Variants in E2F5 observed in about 807,000 individuals in gnomAD.
The protein encoded by E2F5 is E2F transcription factor 5, also known as transcription factor E2F5.
E2F5 carries 23 observed loss-of-function variants against 39.1 expected under a neutral mutation model. The observed-to-expected ratio is 0.59, with a 90% CI of 0.42 to 0.83. The LOEUF is 0.83. Among genes scored for constraint, E2F5 ranks in the 40% least tolerant of loss-of-function variants. The pLI is 0.00. For missense variants in E2F5, 365 were observed against 406.7 expected (o/e 0.90, Z 0.88); for synonymous variants, 145 against 157.8 (o/e 0.92, Z 0.61).
At chr8:85,186,434 A>G (rs1245018161) in intron 1 of E2F5, among the ~76,000 whole-genome samples, 2 of 151,766 alleles carry the variant, frequency 1.3e-5, no homozygotes, top group East Asian at 3.9e-4. Flanking sequence ...GCAGCAAACC[A>G]CCATGGCACA....
intron 6 of E2F5, 37 bp from the exon 7 acceptor site, chr8:85,212,120 T>G: frequency 6.5e-7 from 1 of 1,529,784 alleles, no homozygotes; most frequent in Non-Finnish European, 9.0e-7. Flanking sequence ...CTTTTACTGT[T>G]AACAGAAATA....
At chr8:85,199,426 A>G (rs1004141081) in intron 1 of E2F5, among the ~76,000 whole-genome samples, 1 of 152,144 alleles carries the variant, frequency 6.6e-6, no homozygotes, top group African/African-American at 2.4e-5. Context: ...GTATATTATT[A>G]ACTTCCCTCT....
intron 2 of E2F5, 23 bp from the exon 3 acceptor site, chr8:85,203,071 A>G: frequency 7.0e-7 from 1 of 1,436,742 alleles, no homozygotes; most frequent in Non-Finnish European, 9.2e-7. Flanking sequence ...TACTGAGGAT[A>G]TTAATTCTCA....
intron 1 of E2F5, among the ~76,000 whole-genome samples, chr8:85,192,971 T>C (rs1053262794): frequency 3.3e-5 from 5 of 152,246 alleles, no homozygotes; most frequent in African/African-American, 9.6e-5. Context: ...AATGAGTTTT[T>C]ATTTTTAAAG....
chr8:85,190,147 A>C (rs889726469), intron 1 of E2F5, among the ~76,000 whole-genome samples: 1 of 152,044 alleles, frequency 6.6e-6, no homozygotes, highest in African/African-American at 2.4e-5. Flanking sequence ...AGTCTCACTG[A>C]CTGTCTTTCA....
At chr8:85,198,948 A>G (rs1254336782) in intron 1 of E2F5, among the ~76,000 whole-genome samples, 2 of 152,134 alleles carry the variant, frequency 1.3e-5, no homozygotes, top group Non-Finnish European at 2.9e-5. Flanking sequence ...CTTCTGTAGT[A>G]TACCTTATTT....
At chr8:85,209,432 G>A (rs760230428) in intron 6 of E2F5, 23 bp downstream of exon 6, 3 of 1,565,128 alleles carry the variant, frequency 1.9e-6, no homozygotes, top group Non-Finnish European at 2.6e-6. Context: ...CCTTTCTTTT[G>A]TAAATTAGAG....
intron 1 of E2F5, among the ~76,000 whole-genome samples, chr8:85,179,986 A>G (rs970054698): frequency 2.7e-5 from 4 of 146,528 alleles, no homozygotes; most frequent in African/African-American, 7.6e-5. Flanking sequence ...AATCTTTCCA[A>G]TGATATTTCT....
intron 1 of E2F5, among the ~76,000 whole-genome samples, chr8:85,199,233 C>T (rs1587492961): frequency 6.6e-6 from 1 of 152,172 alleles, no homozygotes; most frequent in East Asian, 1.9e-4. Context: ...GCACCCCTCA[C>T]ACTTCAGAAC....
chr8:85,187,140 T>C (rs941759063), intron 1 of E2F5, among the ~76,000 whole-genome samples: 14 of 152,126 alleles, frequency 9.2e-5, no homozygotes, highest in African/African-American at 2.9e-4. Flanking sequence ...TATTCTGTAG[T>C]TTCTCTTGTT....
At chr8:85,202,340 T>A in intron 2 of E2F5, 84 bp downstream of exon 2, 1 of 966,004 alleles carries the variant, frequency 1.0e-6, no homozygotes, top group Non-Finnish European at 1.5e-6. Context: ...TGTTTCTATC[T>A]CCCAAATCCT....
chr8:85,202,376 T>C (rs1812715729), intron 2 of E2F5, 120 bp downstream of exon 2: 4 of 684,768 alleles, frequency 5.8e-6, no homozygotes, highest in Non-Finnish European at 7.2e-6. Flanking sequence ...CCCTCAGCTT[T>C]CCCTGAACAC....
At chr8:85,203,276 T>A in intron 3 of E2F5, 21 bp downstream of exon 3, 1 of 1,553,746 alleles carries the variant, frequency 6.4e-7, no homozygotes, top group South Asian at 1.3e-5. Flanking sequence ...AAATAAGTTA[T>A]GCATATACAT....
chr8:85,200,440 C>T (rs1242028207), intron 1 of E2F5: 1 of 399,372 alleles, frequency 2.5e-6, no homozygotes, highest in African/African-American at 2.2e-5. Context: ...AAATGATAAA[C>T]AAGACACCTT....
At chr8:85,184,189 T>C (rs1013871538) in intron 1 of E2F5, among the ~76,000 whole-genome samples, 4 of 152,238 alleles carry the variant, frequency 2.6e-5, no homozygotes, top group Non-Finnish European at 5.9e-5. Context: ...TCAAGTTGGC[T>C]TCATGCCTGG....
chr8:85,210,917 A>G (rs1327418700), intron 6 of E2F5, among the ~76,000 whole-genome samples: 4 of 152,240 alleles, frequency 2.6e-5, no homozygotes, highest in African/African-American at 9.6e-5. Context: ...AGTAGTTAGG[A>G]CATTTATCCA....
intron 7 of E2F5, chr8:85,213,024 A>C (rs1218584004): frequency 1.3e-5 from 2 of 151,228 alleles, no homozygotes. Flanking sequence ...CAGCCTCCCG[A>C]GTAGCTGGGA....
At position 85,177,466 on chromosome 8, in the gene E2F5, G is replaced by A. The variant is rs1167443922; in HGVS notation, c.46G>A (p.Gly16Arg). 9.9e-7 allele frequency: 1 copy of A among 1,006,412 alleles called. No individual in the cohort carries two copies. The highest frequency in any genetic ancestry group is 1.2e-6 in the Non-Finnish European group (1 of 845,366). The allele number at this position is 1,006,412 out of a possible 1,614,324, so 62.3% of individuals were successfully genotyped here. A position where few individuals can be genotyped will look rare whatever the true frequency, so the allele number is the denominator to read the frequency against. The change falls in exon 1 of 8, where the codon GGG becomes AGG. Residue 16 changes from glycine (G) to arginine (R), a missense_variant. By Grantham distance (125) the Gly-to-Arg change is moderately radical. Coordinates refer to ENST00000416274, the MANE Select transcript of E2F5 (RefSeq NM_001951.4). The part of the protein sequence containing the change: ...PASSGQQAPA[G>R]QGQGQRPPPQ... ...GAGCTCGGGCCAGCAGGCGCCGGCA[G>A]GGCAGGGGCAGGGCCAGCGGCCGCC...
intron 1 of E2F5, among the ~76,000 whole-genome samples, chr8:85,192,885 C>A (rs1812494485): frequency 6.6e-6 from 1 of 152,186 alleles, no homozygotes; most frequent in Non-Finnish European, 1.5e-5. Flanking sequence ...AGTTACTCAG[C>A]CTTGGTTTCC....
Sources: allele counts gnomAD v4.1 joint callset (sites outside exome capture counted in the v4.1 genomes callset), GRCh38; gene constraint gnomAD v4.1.1; transcripts MANE v1.5; gene names NCBI Gene and HGNC (gene_info 2026-07-23, HGNC 2026-07-21).